TSC2: variants seen among roughly 807,000 people sequenced by gnomAD.
TSC2 encodes the protein tuberin.
In TSC2, 29 loss-of-function variants were observed where a neutral mutation model predicts 202.2. The ratio of observed to expected loss-of-function variants is 0.14; its 90% CI spans 0.11 to 0.20. The LOEUF is 0.20. Ranked by LOEUF, TSC2 falls within the 10% of genes least tolerant of loss-of-function variation. The probability of loss-of-function intolerance (pLI) is 1.00; values close to 1 mark genes in which losing one functional copy is unlikely to be tolerated. For synonymous variants in TSC2, 1,349 were observed against 1,044.0 expected, an observed-to-expected ratio of 1.29 and a Z score of -5.63; for missense variants, 2,429 against 2,420.0, an observed-to-expected ratio of 1.00 and a Z score of -0.08.
chr16:2,087,840 G>A (rs769582591), intron 38 of TSC2, 23 bp from the exon 39 acceptor site: 1 of 1,611,962 alleles, frequency 6.2e-7, no homozygotes, highest in South Asian at 1.1e-5. Context: ...GTGCGGGGAT[G>A]ACCCTTTCTC....
At chr16:2,061,396 G>A (rs891288160) in intron 11 of TSC2, 13 of 304,850 alleles carry the variant, frequency 4.3e-5, no homozygotes, top group African/African-American at 2.6e-4. Flanking sequence ...GCCTGTCGCT[G>A]GGCCAGAGCA....
At chr16:2,062,046 C>G in intron 12 of TSC2, 38 bp downstream of exon 12, 1 of 1,613,206 alleles carries the variant, frequency 6.2e-7, no homozygotes, top group South Asian at 1.1e-5. Flanking sequence ...TGGGCTTTGG[C>G]TGGTGGGGAG....
rs1596259554 is a variant in TSC2, at chr16:2,053,426, C to T, written c.310C>T (p.Leu104=). 1.9e-6 allele frequency: 3 copies of T among 1,582,188 alleles called. No individual in the cohort carries two copies. Among genetic ancestry groups the T allele is most frequent in the Non-Finnish European group, 2.6e-6 (3 of 1,164,886 alleles). The change falls in exon 4 of 42, where the codon CTG becomes TTG. Residue 104 remains leucine, a synonymous_variant. Transcript: ENST00000219476. The part of the protein sequence containing the change: ...PLEARHAVLA[L]LKAIVQGQGE... ...GGAGGCCCGGCACGCGGTGCTGGCT[C>T]TGCTGAAGGCCATCGTGCAGGGGCA...
intron 26 of TSC2, chr16:2,078,596 C>T (rs930129982): frequency 3.0e-5 from 8 of 267,694 alleles, no homozygotes; most frequent in East Asian, 9.8e-5. Context: ...GGCAGCCGCT[C>T]GCCTGCCTGA....
chr16:2,071,037 G>C (rs904932215), intron 17 of TSC2, among the ~76,000 whole-genome samples: 3 of 151,852 alleles, frequency 2.0e-5, no homozygotes, highest in African/African-American at 7.3e-5. Context: ...CGCTGAGTTT[G>C]CGCTATAGAT....
At chr16:2,055,172 C>A in intron 5 of TSC2, 4 of 615,088 alleles carry the variant, frequency 6.5e-6, no homozygotes, top group Non-Finnish European at 1.2e-5. Context: ...CACAGACCCT[C>A]TGTGCAGCCC....
rs773545852 is a variant in TSC2 at position 2,079,565 on chromosome 16, C to T, written c.3293C>T (p.Pro1098Leu). 26 of 1,610,498 alleles carry T rather than the reference C, an allele frequency of 1.6e-5. No individual in the cohort carries two copies. The highest frequency in any genetic ancestry group is 4.2e-6 in the Non-Finnish European group (5 of 1,179,120). Residue 1098 changes from proline (P) to leucine (L), a missense_variant, in exon 29 of 42, where the codon CCC becomes CTC. By Grantham distance (98) the Pro-to-Leu change is moderately conservative. Transcript: ENST00000219476. The surrounding 1 kb of genome is among the most constrained non-coding windows in gnomAD (Gnocchi z 4.6). ...LQSGPESSSS[P>L]GVHVRQTKEA... is the part of the protein sequence containing the mutation. ...TGGGATTCTCTTCTCAGCTCCAGCCCCGGGGTGCATGTGAGACAGACCAAG... is the reference window on the plus strand; with the variant it reads ...TGGGATTCTCTTCTCAGCTCCAGCCTCGGGGTGCATGTGAGACAGACCAAG...
chr16:2,062,100 C>G (rs1057155583), intron 12 of TSC2, 92 bp downstream of exon 12: 4 of 1,573,912 alleles, frequency 2.5e-6, no homozygotes, highest in African/African-American at 2.7e-5. Flanking sequence ...GCCTCAGAAG[C>G]CAAGGGCCAG....
At chr16:2,074,626 C>A (rs2089002070) in intron 22 of TSC2, 1 of 590,844 alleles carries the variant, frequency 1.7e-6, no homozygotes, top group African/African-American at 1.9e-5. Context: ...GAAGAAGCCT[C>A]TTCCCCCCCG....
intron 35 of TSC2, 91 bp from the exon 36 acceptor site, chr16:2,085,139 C>A: frequency 6.2e-7 from 1 of 1,602,940 alleles, no homozygotes; most frequent in South Asian, 1.1e-5. Context: ...CTGGCCTAAG[C>A]TCCCTGTGGC....
chr16:2,085,562 T>G (rs2090672029), intron 36 of TSC2, among the ~76,000 whole-genome samples: 1 of 151,986 alleles, frequency 6.6e-6, no homozygotes, highest in East Asian at 1.9e-4. Context: ...ACTGGGCGGG[T>G]GGCACCGGTC....
chr16:2,088,865 T>TCG lies in TSC2; in HGVS notation c.*260_*261dup, dbSNP rs1178168657. ...AGGCTGCCTGGGCCATACAGCACAC[T>TCG]CGCGCGTGCGCGCGCGCACACACAC... On this transcript the variant is annotated 3_prime_UTR_variant, in exon 42 of 42. Transcript: ENST00000219476. 1.9e-6 allele frequency: 1 copy of TCG among 526,582 alleles called. No individual in the cohort carries two copies. Among genetic ancestry groups the TCG allele is most frequent in the Non-Finnish European group, 3.3e-6 (1 of 300,666 alleles). The allele number at this position is 526,582 out of a possible 1,614,324, so 32.6% of individuals were successfully genotyped here.
chr16:2,084,885 C>T (rs2090570860), intron 34 of TSC2, 66 bp from the exon 35 acceptor site: 3 of 1,607,594 alleles, frequency 1.9e-6, no homozygotes, highest in Admixed American at 3.3e-5. Flanking sequence ...CTGTGTTCCT[C>T]CCTGTGGGCT....
At chr16:2,061,154 C>T (rs1383495579) in intron 11 of TSC2, 1 of 397,596 alleles carries the variant, frequency 2.5e-6, no homozygotes, top group Non-Finnish European at 4.8e-6. Flanking sequence ...GTGGCTTCCG[C>T]ATGACTTTGG....
rs367915255 is a variant in TSC2, at chr16:2,071,947, G to C, written c.2097+13G>C. The C allele has an allele frequency of 6.4e-7, 1 of 1,563,624 alleles. No individual in the cohort carries two copies. The highest frequency in any genetic ancestry group is 8.7e-7 in the Non-Finnish European group (1 of 1,153,284). On this transcript the variant is annotated intron_variant, in intron 19 of 41. Coordinates refer to ENST00000219476, the MANE Select transcript of TSC2 (RefSeq NM_000548.5). Reference sequence around the variant, plus strand: ...GTGCTTGAAGCAGGTGAGTGGGGCCGGGCAGGGACCATCCGTCCCACGTTG... The same window carrying C: ...GTGCTTGAAGCAGGTGAGTGGGGCCCGGCAGGGACCATCCGTCCCACGTTG...
Position 2,089,101 on chromosome 16 carries a change from TG to T in TSC2, c.*492del, listed in dbSNP as rs1214502012. ...GATGAGAGTGCCTGGCAGACAGCTG[TG>T]CCCCCAGCACCGGCCCAAGGCCAAG... is the stretch of plus-strand genomic sequence containing the variant. On this transcript the variant is annotated 3_prime_UTR_variant, in exon 42 of 42. Transcript: ENST00000219476. 2 of 176,390 alleles carry T rather than the reference TG, an allele frequency of 1.1e-5. No individual in the cohort carries two copies. The highest frequency in any genetic ancestry group is 1.1e-4 in the Admixed American group (2 of 18,384). The allele number at this position is 176,390 out of a possible 1,614,324, so 10.9% of individuals were successfully genotyped here. A position where few individuals can be genotyped will look rare whatever the true frequency, so the allele number is the denominator to read the frequency against.
chr16:2,069,641 G>A (rs545418722), intron 16 of TSC2, among the ~76,000 whole-genome samples: 18 of 152,098 alleles, frequency 1.2e-4, no homozygotes, highest in East Asian at 9.7e-4. Context: ...CACCACGCCC[G>A]GCTAATTTTT....
At chr16:2,062,937 C>T in intron 13 of TSC2, 35 bp from the exon 14 acceptor site, 2 of 1,545,074 alleles carry the variant, frequency 1.3e-6, no homozygotes, top group Non-Finnish European at 1.7e-6. Flanking sequence ...TGGCCGGGCA[C>T]TCCCCACCCG....
chr16:2,073,574 C>T (rs2088822176), intron 21 of TSC2, among the ~76,000 whole-genome samples: 1 of 152,132 alleles, frequency 6.6e-6, no homozygotes, highest in Non-Finnish European at 1.5e-5. Context: ...CTGATGGTGG[C>T]CCTGTAGGGA....
Sources: gnomAD v4.1 joint callset for allele counts (sites outside exome capture counted in the v4.1 genomes callset) on GRCh38, gnomAD v4.1.1 for gene constraint, Gnocchi (gnomAD v3.1) non-coding constraint, MANE v1.5 for transcripts, NCBI Gene and HGNC (gene_info 2026-07-23, HGNC 2026-07-21) for gene names.